The following CTDSPL2 variants were observed in gnomAD, a reference collection of about 807,000 sequenced individuals.
The protein encoded by CTDSPL2 is CTD small phosphatase-like protein 2.
A neutral mutation model predicts 60.0 loss-of-function variants in CTDSPL2; 5 were observed. That is an observed-to-expected ratio of 0.08 (90% CI 0.04 to 0.18). CTDSPL2 has a LOEUF of 0.18. Among genes scored for constraint, CTDSPL2 ranks in the 10% least tolerant of loss-of-function variants. The pLI, the probability that CTDSPL2 is intolerant of heterozygous loss-of-function variation, is 1.00. For missense variants in CTDSPL2, 370 were observed against 548.8 expected (o/e 0.67, Z 3.26); for synonymous variants, 186 against 189.3 (o/e 0.98, Z 0.14).
chr15:44,475,398 G>A (rs2080895736), intron 2 of CTDSPL2, among the ~76,000 whole-genome samples: 1 of 152,104 alleles, frequency 6.6e-6, no homozygotes, highest in African/African-American at 2.4e-5. Flanking sequence ...CAGCACTCTG[G>A]GAGGCCGAGG....
chr15:44,447,889 G>C (rs1423295333), intron 1 of CTDSPL2: 1 of 155,336 alleles, frequency 6.4e-6, no homozygotes, highest in Non-Finnish European at 1.4e-5. Flanking sequence ...AAGCTGACAT[G>C]GCCACCACCA....
chr15:44,509,130 C>G (rs1212547136), intron 8 of CTDSPL2, among the ~76,000 whole-genome samples: 1 of 152,074 alleles, frequency 6.6e-6, no homozygotes, highest in African/African-American at 2.4e-5. Context: ...TTAGACTTTA[C>G]CACATAATAT....
At chr15:44,499,445 C>T (rs1334719189) in intron 7 of CTDSPL2, among the ~76,000 whole-genome samples, 1 of 152,102 alleles carries the variant, frequency 6.6e-6, no homozygotes, top group Non-Finnish European at 1.5e-5. Context: ...GACCCATCCC[C>T]TCCCCTGAGT....
At chr15:44,484,662 C>G (rs2081088149) in intron 3 of CTDSPL2, among the ~76,000 whole-genome samples, 1 of 152,158 alleles carries the variant, frequency 6.6e-6, no homozygotes, top group African/African-American at 2.4e-5. Flanking sequence ...ATCGCTGGAA[C>G]CCGGGAGGCA....
intron 1 of CTDSPL2, among the ~76,000 whole-genome samples, chr15:44,449,757 A>G (rs1454902069): frequency 6.6e-6 from 1 of 151,890 alleles, no homozygotes; most frequent in Non-Finnish European, 1.5e-5. Context: ...TGGGAGGCTG[A>G]GAAGGATGAA....
intron 1 of CTDSPL2, among the ~76,000 whole-genome samples, chr15:44,456,519 T>TTA (rs2080444272): frequency 1.3e-5 from 2 of 152,260 alleles, no homozygotes; most frequent in African/African-American, 4.8e-5. Flanking sequence ...ATTTTCTAGT[T>TTA]TATTTGCATA....
chr15:44,522,363 C>G (rs1237497284), intron 12 of CTDSPL2, among the ~76,000 whole-genome samples: 1 of 152,088 alleles, frequency 6.6e-6, no homozygotes, highest in African/African-American at 2.4e-5. Context: ...ATTATATTAA[C>G]ATTATGCTTA....
At chr15:44,450,147 C>T (rs1170365735) in intron 1 of CTDSPL2, among the ~76,000 whole-genome samples, 1 of 151,882 alleles carries the variant, frequency 6.6e-6, no homozygotes, top group Non-Finnish European at 1.5e-5. Flanking sequence ...GAGCATTTTT[C>T]AATTTTAGTG....
chr15:44,506,239 A>G (rs760698170), intron 8 of CTDSPL2, among the ~76,000 whole-genome samples: 8 of 151,794 alleles, frequency 5.3e-5, no homozygotes, highest in Non-Finnish European at 1.2e-4. Flanking sequence ...CCTGTTGGCC[A>G]GGCTGGTCTT....
Position 44,461,623 on chromosome 15 carries a change from G to A in CTDSPL2, c.186+2423G>A, listed in dbSNP as rs138563539. Among the ~76,000 whole-genome samples, 1,036 of 127,310 alleles carry A rather than the reference G, an allele frequency of 8.1e-3. 12 individuals carry two copies. Among genetic ancestry groups the A allele is most frequent in the African/African-American group, 0.03 (986 of 33,182 alleles). 83.5% of individuals were successfully genotyped at this position (127,310 alleles called of 152,430 possible). A position where few individuals can be genotyped will look rare whatever the true frequency, so the allele number is the denominator to read the frequency against. On this transcript the variant is annotated intron_variant, in intron 2 of 12. Transcript: ENST00000260327. ...AAAGAGATGAGGTCTCATTTATATCGCCCAGGCTGGTCTTGAACTCCTGAC... is the reference window on the plus strand; with the variant it reads ...AAAGAGATGAGGTCTCATTTATATCACCCAGGCTGGTCTTGAACTCCTGAC...
chr15:44,483,797 C>A (rs1238092560), intron 2 of CTDSPL2, among the ~76,000 whole-genome samples: 1 of 152,128 alleles, frequency 6.6e-6, no homozygotes, highest in Admixed American at 6.6e-5. Context: ...TTTATCCCCA[C>A]CCTCTATTTT....
At chr15:44,512,122 G>A (rs1299576613) in intron 8 of CTDSPL2, among the ~76,000 whole-genome samples, 1 of 151,814 alleles carries the variant, frequency 6.6e-6, no homozygotes, top group African/African-American at 2.4e-5. Context: ...ACTTCAGCCC[G>A]GGAGGTCGAG....
intron 2 of CTDSPL2, among the ~76,000 whole-genome samples, chr15:44,481,855 C>CAGA (rs2081032999): frequency 6.6e-6 from 1 of 152,136 alleles, no homozygotes; most frequent in Non-Finnish European, 1.5e-5. Flanking sequence ...TTACAGGCTT[C>CAGA]AGCCACAGCG....
At chr15:44,487,734 A>G (rs548870237) in intron 4 of CTDSPL2, among the ~76,000 whole-genome samples, 1 of 152,362 alleles carries the variant, frequency 6.6e-6, no homozygotes, top group African/African-American at 2.4e-5. Flanking sequence ...TAACATAGTA[A>G]GATGATGAAC....
rs968355782 is a variant in CTDSPL2, at chr15:44,527,557, T to C, written c.*3383T>C. On this transcript the variant is annotated 3_prime_UTR_variant, in exon 13 of 13. Transcript: ENST00000260327. ...ACATAAAGCTAAAATGTAAAGGACATTGAAGCCTTTATTTAATTGTACTAA... is the reference window on the plus strand; with the variant it reads ...ACATAAAGCTAAAATGTAAAGGACACTGAAGCCTTTATTTAATTGTACTAA... 1 of 152,224 alleles carries C rather than the reference T, an allele frequency of 6.6e-6. No individual in the cohort carries two copies. Among genetic ancestry groups the C allele is most frequent in the Non-Finnish European group, 1.5e-5 (1 of 68,008 alleles). 9.4% of individuals were successfully genotyped at this position (152,224 alleles called of 1,614,324 possible). A position where few individuals can be genotyped will look rare whatever the true frequency, so the allele number is the denominator to read the frequency against.
intron 12 of CTDSPL2, 115 bp downstream of exon 12, chr15:44,521,521 A>G (rs554481709): frequency 1.1e-4 from 58 of 546,514 alleles, no homozygotes; most frequent in Non-Finnish European, 1.7e-4. Context: ...ACTGTGAGCC[A>G]GGTCACAGGT....
chr15:44,525,746 CATTTA>C lies in CTDSPL2; in HGVS notation c.*1577_*1581del. ...AAATAAGGAAATCTTTTTAGGAAAA[CATTTA>C]ATTTTTGTATTTTTGATTTTAAAGG... On this transcript the variant is annotated 3_prime_UTR_variant, in exon 13 of 13. Transcript: ENST00000260327. The C allele has an allele frequency of 3.0e-6, 1 of 334,652 alleles. No individual in the cohort carries two copies. The allele number at this position is 334,652 out of a possible 1,614,324, so 20.7% of individuals were successfully genotyped here. A position where few individuals can be genotyped will look rare whatever the true frequency, so the allele number is the denominator to read the frequency against.
intron 10 of CTDSPL2, chr15:44,516,829 G>T (rs982431974): frequency 2.7e-5 from 4 of 148,604 alleles, no homozygotes; most frequent in African/African-American, 1.0e-4. Context: ...TGAAACAAAA[G>T]CTTGTTTTTT....
At chr15:44,429,828 C>T (rs1458429368) in intron 1 of CTDSPL2, among the ~76,000 whole-genome samples, 1 of 152,156 alleles carries the variant, frequency 6.6e-6, no homozygotes, top group Non-Finnish European at 1.5e-5. Flanking sequence ...GACCACCCCA[C>T]TGTACTCCAG....
Sources: gnomAD v4.1 joint callset for allele counts (sites outside exome capture counted in the v4.1 genomes callset) on GRCh38, gnomAD v4.1.1 for gene constraint, MANE v1.5 for transcripts, NCBI Gene and HGNC (gene_info 2026-07-23, HGNC 2026-07-21) for gene names.